The following TK2 variants were observed in gnomAD, a reference collection of about 807,000 sequenced individuals.
TK2 encodes the protein thymidine kinase 2, mitochondrial.
A neutral mutation model predicts 41.9 loss-of-function variants in TK2; 35 were observed. The ratio of observed to expected loss-of-function variants is 0.84; its 90% CI spans 0.64 to 1.11. The LOEUF is 1.11. Among genes scored for constraint, TK2 ranks in the 50% least tolerant of loss-of-function variants. TK2 has a pLI of 0.00. For missense variants in TK2, 320 were observed against 351.1 expected (o/e 0.91, Z 0.71); for synonymous variants, 128 against 129.1 (o/e 0.99, Z 0.06).
intron 4 of TK2, among the ~76,000 whole-genome samples, chr16:66,535,704 A>G (rs960146392): frequency 5.3e-5 from 8 of 152,266 alleles, no homozygotes; most frequent in Admixed American, 2.6e-4. Flanking sequence ...TATCACTGCC[A>G]TATCATCCAG....
In TK2 at chr16:66,517,162, T is replaced by G; in HGVS notation, c.592A>C (p.Arg198=). 1 of 1,614,182 alleles carries G rather than the reference T, an allele frequency of 6.2e-7. No homozygotes were observed. The highest frequency in any genetic ancestry group is 8.5e-7 in the Non-Finnish European group (1 of 1,180,010). ...AGCGGAATGACCTTCTCCTCTTCCCTGCATCTCTTCTTTAACCTCTGGTAA... is the reference window on the plus strand; with the variant it reads ...AGCGGAATGACCTTCTCCTCTTCCCGGCATCTCTTCTTTAACCTCTGGTAA... ...TCYQRLKKRC[R]EEEKVIPLEY... The change falls in exon 8 of 10, where the codon AGG becomes CGG. Residue 198 remains arginine (R), a synonymous_variant. Transcript: ENST00000544898. The surrounding 1 kb of genome is among the most constrained non-coding windows in gnomAD (Gnocchi z 4.3).
At chr16:66,549,878 G>A in intron 1 of TK2, 60 bp downstream of exon 1, 1 of 1,292,914 alleles carries the variant, frequency 7.7e-7, no homozygotes, top group Non-Finnish European at 9.7e-7. Context: ...GGAAGCCGAG[G>A]GGCCGGGAGT....
chr16:66,545,552 G>A (rs918998518), intron 2 of TK2, among the ~76,000 whole-genome samples: 8 of 152,080 alleles, frequency 5.3e-5, no homozygotes, highest in African/African-American at 1.2e-4. Flanking sequence ...AACCAGGAGC[G>A]GTGGCTCACG....
chr16:66,550,206 G>C (rs1965756697), upstream of TK2: 1 of 1,611,466 alleles, frequency 6.2e-7, no homozygotes, highest in Non-Finnish European at 8.5e-7. Context: ...AGCAAGAGGA[G>C]AAATACTCGA....
intron 6 of TK2, among the ~76,000 whole-genome samples, chr16:66,522,809 A>C (rs574628654): frequency 1.3e-5 from 2 of 152,290 alleles, no homozygotes; most frequent in South Asian, 4.1e-4. Flanking sequence ...GGCTGCAGTG[A>C]GCCGAGATTG....
chr16:66,542,325 A>G (rs931257604), intron 2 of TK2, among the ~76,000 whole-genome samples: 1 of 152,174 alleles, frequency 6.6e-6, no homozygotes, highest in Non-Finnish European at 1.5e-5. Flanking sequence ...AATGGCTTTG[A>G]GGCTAGGAAA....
intron 9 of TK2, 127 bp downstream of exon 9, chr16:66,513,604 C>A (rs191704326): frequency 2.3e-6 from 2 of 871,370 alleles, no homozygotes; most frequent in East Asian, 5.4e-5. Flanking sequence ...AGCCTTCCCA[C>A]CTTCCTTCTT....
intron 5 of TK2, among the ~76,000 whole-genome samples, chr16:66,529,644 C>A (rs961554974): frequency 6.6e-5 from 10 of 152,210 alleles, no homozygotes; most frequent in Admixed American, 2.0e-4. Context: ...GACGACCTTG[C>A]CCTTTGTCCA....
intron 2 of TK2, chr16:66,547,886 C>A: frequency 8.0e-7 from 1 of 1,254,978 alleles, no homozygotes; most frequent in Non-Finnish European, 1.0e-6. Context: ...GCACATCAAA[C>A]CACACCCAAA....
intron 1 of TK2, chr16:66,549,644 G>A: frequency 8.4e-7 from 1 of 1,196,114 alleles, no homozygotes; most frequent in Non-Finnish European, 1.0e-6. Flanking sequence ...GAAAGAATCG[G>A]GACAGGAAAT....
At chr16:66,534,585 T>C (rs79998838) in intron 4 of TK2, among the ~76,000 whole-genome samples, 10,796 of 152,320 alleles carry the variant, frequency 0.071, 557 homozygotes, top group South Asian at 0.17. Flanking sequence ...TCCTCAAACA[T>C]GCCAAGCATG....
intron 4 of TK2, among the ~76,000 whole-genome samples, chr16:66,533,762 C>T (rs1965191541): frequency 6.6e-6 from 1 of 152,010 alleles, no homozygotes; most frequent in South Asian, 2.1e-4. Context: ...AATCCCAGCA[C>T]TCTGGGAGGC....
chr16:66,530,267 G>A (rs1965068339), intron 5 of TK2, among the ~76,000 whole-genome samples: 1 of 152,232 alleles, frequency 6.6e-6, no homozygotes, highest in Non-Finnish European at 1.5e-5. Flanking sequence ...CAGCAGCTGT[G>A]CCAGTGTTAA....
intron 2 of TK2, among the ~76,000 whole-genome samples, chr16:66,545,554 T>C (rs1166092240): frequency 6.6e-6 from 1 of 152,200 alleles, no homozygotes; most frequent in Non-Finnish European, 1.5e-5. Context: ...CCAGGAGCGG[T>C]GGCTCACGCC....
At position 66,537,723 on chromosome 16, in the gene TK2, G is replaced by A. The variant is rs72790407; in HGVS notation, c.232-706C>T. ...TGCTAGAGCCTTTCTGGGTATGCAG[G>A]TGTGTGCTAGAAAAGATTTAAATGG... On this transcript the variant is annotated intron_variant, in intron 3 of 9. Transcript: ENST00000544898. 5.5e-3 allele frequency among the ~76,000 whole-genome samples: 832 copies of A among 152,322 alleles called. 5 individuals are homozygous for A. Among genetic ancestry groups the A allele is most frequent in the Middle Eastern group, 0.02 (6 of 294 alleles).
chr16:66,533,525 G>A (rs1161842354), intron 4 of TK2, among the ~76,000 whole-genome samples: 1 of 151,830 alleles, frequency 6.6e-6, no homozygotes, highest in Non-Finnish European at 1.5e-5. Flanking sequence ...ACTCCAGCTT[G>A]GGTGATATAG....
Position 66,517,043 on chromosome 16 carries a change from A to G in TK2, c.618+93T>C, listed in dbSNP as rs1964635743. On this transcript the variant is annotated intron_variant, in intron 8 of 9. Coordinates refer to ENST00000544898, the MANE Select transcript of TK2 (RefSeq NM_004614.5). The surrounding 1 kb of genome is among the most constrained non-coding windows in gnomAD (Gnocchi z 4.3). ...TTCTCTCTCTGCAAACAAGGGCACA[A>G]TGATCTCATGGGGGTGGGGCCGGGA... The G allele has an allele frequency of 2.8e-6, 3 of 1,072,260 alleles. No individual in the cohort carries two copies. Among genetic ancestry groups the G allele is most frequent in the Admixed American group, 1.7e-5 (1 of 59,208 alleles). The allele number at this position is 1,072,260 out of a possible 1,614,324, so 66.4% of individuals were successfully genotyped here. A position where few individuals can be genotyped will look rare whatever the true frequency, so the allele number is the denominator to read the frequency against.
chr16:66,537,535 T>C (rs1386715102), intron 3 of TK2, among the ~76,000 whole-genome samples: 1 of 152,208 alleles, frequency 6.6e-6, no homozygotes, highest in Non-Finnish European at 1.5e-5. Context: ...TCTCACTGGT[T>C]TGGAGGCATT....
At chr16:66,536,114 G>C (rs1458204679) in intron 4 of TK2, among the ~76,000 whole-genome samples, 1 of 150,858 alleles carries the variant, frequency 6.6e-6, no homozygotes, top group Non-Finnish European at 1.5e-5. Flanking sequence ...TGAGGCAGGA[G>C]AATCGCTTGA....
Sources: allele counts gnomAD v4.1 joint callset (sites outside exome capture counted in the v4.1 genomes callset), GRCh38; gene constraint gnomAD v4.1.1; non-coding constraint Gnocchi (gnomAD v3.1); transcripts MANE v1.5; gene names NCBI Gene and HGNC (gene_info 2026-07-23, HGNC 2026-07-21).